Variants in PTGER4 observed in about 807,000 individuals in gnomAD.
PTGER4 encodes the protein prostaglandin E receptor 4.
In PTGER4, 11 loss-of-function variants were observed where a neutral mutation model predicts 33.2. That is an observed-to-expected ratio of 0.33 (90% CI 0.21 to 0.55). PTGER4 has a LOEUF of 0.55. PTGER4 is among the 20% of genes least tolerant of loss of function. The probability of loss-of-function intolerance (pLI) is 0.92; values close to 1 mark genes in which losing one functional copy is unlikely to be tolerated. For missense variants in PTGER4, 481 were observed against 650.2 expected, an observed-to-expected ratio of 0.74 and a Z score of 2.83; for synonymous variants, 275 against 281.5, an observed-to-expected ratio of 0.98 and a Z score of 0.23.
chr5:40,714,686 TAAGGA>T, the PTGER4 span: 2 of 152,358 alleles, frequency 1.3e-5, no homozygotes, highest in African/African-American at 4.8e-5. Context: ...TGATATAACT[TAAGGA>T]AAGAATATTC....
the PTGER4 span, among the ~76,000 whole-genome samples, chr5:40,710,383 T>G: frequency 6.6e-6 from 1 of 152,180 alleles, no homozygotes; most frequent in African/African-American, 2.4e-5. Context: ...TGAGATACCA[T>G]CTAACACCAG....
the PTGER4 span, among the ~76,000 whole-genome samples, chr5:40,737,611 C>A: frequency 6.6e-6 from 1 of 152,054 alleles, no homozygotes; most frequent in Non-Finnish European, 1.5e-5. Context: ...TATCAAAAAA[C>A]GTACCCACTT....
chr5:40,715,978 C>G, the PTGER4 span: 2 of 533,522 alleles, frequency 3.7e-6, no homozygotes, highest in Non-Finnish European at 6.5e-6. Context: ...AAAGCATATT[C>G]CAAACACTAT....
the PTGER4 span, among the ~76,000 whole-genome samples, chr5:40,745,440 A>G: frequency 6.6e-6 from 1 of 152,196 alleles, no homozygotes; most frequent in Non-Finnish European, 1.5e-5. Flanking sequence ...GTGTGTGTGT[A>G]TGTGTATGCA....
chr5:40,700,433 A>AC, the PTGER4 span, among the ~76,000 whole-genome samples: 1 of 152,294 alleles, frequency 6.6e-6, no homozygotes, highest in Middle Eastern at 3.4e-3. Context: ...AGGAGCAAAG[A>AC]CCCTAAGTTC....
chr5:40,745,589 G>A, the PTGER4 span, among the ~76,000 whole-genome samples: 1 of 151,680 alleles, frequency 6.6e-6, no homozygotes, highest in Admixed American at 6.6e-5. Context: ...CAATAGCAGA[G>A]TCACACCTCA....
chr5:40,713,655 G>GTAGACACA, the PTGER4 span, among the ~76,000 whole-genome samples: 3 of 152,252 alleles, frequency 2.0e-5, no homozygotes, highest in East Asian at 3.9e-4. Context: ...TGGTCTGGAT[G>GTAGACACA]TCTAGACACT....
At chr5:40,740,980 T>C in the PTGER4 span, among the ~76,000 whole-genome samples, 1 of 152,246 alleles carries the variant, frequency 6.6e-6, no homozygotes, top group Non-Finnish European at 1.5e-5. Context: ...TTTGTTTCCC[T>C]TTAATTATCT....
chr5:40,734,962 G>C, the PTGER4 span, among the ~76,000 whole-genome samples: 1 of 152,184 alleles, frequency 6.6e-6, no homozygotes, highest in Non-Finnish European at 1.5e-5. Context: ...GGTCTTCCTA[G>C]GAACGCATTC....
the PTGER4 span, among the ~76,000 whole-genome samples, chr5:40,710,899 A>AAG: frequency 6.6e-6 from 1 of 151,986 alleles, no homozygotes; most frequent in Non-Finnish European, 1.5e-5. Context: ...GACACAGGGC[A>AAG]GGGAACATCA....
the PTGER4 span, among the ~76,000 whole-genome samples, chr5:40,707,990 A>G: frequency 5.5e-4 from 84 of 152,366 alleles, no homozygotes; most frequent in African/African-American, 2.0e-3. Context: ...CAACAAGAAC[A>G]AAGACACAAC....
chr5:40,722,503 C>G, the PTGER4 span, among the ~76,000 whole-genome samples: 2 of 151,200 alleles, frequency 1.3e-5, no homozygotes, highest in African/African-American at 4.9e-5. Flanking sequence ...ATGTGGGGAG[C>G]GCCTCTGCCC....
At chr5:40,734,824 T>A in the PTGER4 span, among the ~76,000 whole-genome samples, 1 of 152,326 alleles carries the variant, frequency 6.6e-6, no homozygotes, top group Non-Finnish European at 1.5e-5. Flanking sequence ...CTAAAGTGTA[T>A]GCATGTTAGA....
At chr5:40,715,108 T>A in the PTGER4 span, 105 of 152,192 alleles carry the variant, frequency 6.9e-4, no homozygotes, top group African/African-American at 2.3e-3. Flanking sequence ...CTTAAGTTAT[T>A]TATTCATTGG....
chr5:40,704,918 C>CA, the PTGER4 span, among the ~76,000 whole-genome samples: 1 of 152,116 alleles, frequency 6.6e-6, no homozygotes, highest in Non-Finnish European at 1.5e-5. Context: ...TTTACAGATT[C>CA]AATGCTATTC....
At chr5:40,716,500 T>A in the PTGER4 span, 11 of 1,577,644 alleles carry the variant, frequency 7.0e-6, no homozygotes, top group Non-Finnish European at 8.6e-6. Context: ...TCGAATTGCC[T>A]AGAAAATAAG....
chr5:40,728,834 A>C, the PTGER4 span, among the ~76,000 whole-genome samples: 1 of 152,186 alleles, frequency 6.6e-6, no homozygotes, highest in African/African-American at 2.4e-5. Context: ...ATTGCCATTA[A>C]ACTAGGTGAA....
chr5:40,721,951 A>G, the PTGER4 span, among the ~76,000 whole-genome samples: 2 of 152,346 alleles, frequency 1.3e-5, no homozygotes, highest in South Asian at 4.1e-4. Flanking sequence ...CAAAAAACCT[A>G]GTAACCTGAT....
At chr5:40,687,594 GTTTT>G (rs1741358703) in intron 2 of PTGER4, among the ~76,000 whole-genome samples, 1 of 152,180 alleles carries the variant, frequency 6.6e-6, no homozygotes, top group Non-Finnish European at 1.5e-5. Context: ...GTTGCTCTAT[GTTTT>G]CAAACATTGC....
Sources: allele counts gnomAD v4.1 joint callset (sites outside exome capture counted in the v4.1 genomes callset), GRCh38; gene constraint gnomAD v4.1.1; transcripts MANE v1.5; gene names NCBI Gene and HGNC (gene_info 2026-07-23, HGNC 2026-07-21).